Variants in FAM153A observed in about 807,000 individuals in gnomAD.
FAM153A encodes family with sequence similarity 153 member A.
A neutral mutation model predicts 48.1 loss-of-function variants in FAM153A; 12 were observed. That is an observed-to-expected ratio of 0.25 (90% CI 0.16 to 0.40). FAM153A has a LOEUF of 0.40. FAM153A is among the 10% of genes least tolerant of loss of function. The pLI is 1.00. For synonymous variants in FAM153A, 36 were observed against 118.2 expected, an observed-to-expected ratio of 0.30 and a Z score of 4.51; for missense variants, 111 against 345.8, an observed-to-expected ratio of 0.32 and a Z score of 5.38.
At chr5:177,697,229 T>C in the FAM153A span, among the ~76,000 whole-genome samples, 1 of 151,552 alleles carries the variant, frequency 6.6e-6, no homozygotes, top group African/African-American at 2.4e-5. Flanking sequence ...GGAATTATTT[T>C]TTAAATTTCA....
chr5:177,713,613 G>GGCCAGGAT (rs1235599973), intron 26 of FAM153A: 1 of 151,564 alleles, frequency 6.6e-6, no homozygotes, highest in African/African-American at 2.4e-5. Context: ...AGATGATGTT[G>GGCCAGGAT]GCCAGGATGG....
chr5:177,700,609 CTGGCCAACA>C, the FAM153A span, among the ~76,000 whole-genome samples: 2 of 151,756 alleles, frequency 1.3e-5, no homozygotes, highest in Non-Finnish European at 2.9e-5. Flanking sequence ...CAAGACCAGC[CTGGCCAACA>C]TGGTGAAATG....
downstream of FAM153A, chr5:177,706,729 T>C (rs1757921571): frequency 6.6e-6 from 1 of 151,846 alleles, no homozygotes; most frequent in Non-Finnish European, 1.5e-5. Context: ...AATGCCTGTT[T>C]GGGATTCCTC....
intron 1 of FAM153A, among the ~76,000 whole-genome samples, chr5:177,764,341 C>T (rs558301287): frequency 6.6e-6 from 1 of 151,768 alleles, no homozygotes; most frequent in Non-Finnish European, 1.5e-5. Flanking sequence ...CTGGGCTAAT[C>T]CCACTGATGA....
At chr5:177,710,558 T>G (rs910954004), downstream of FAM153A, among the ~76,000 whole-genome samples, 4 of 151,050 alleles carry the variant, frequency 2.6e-5, no homozygotes, top group African/African-American at 9.8e-5. Flanking sequence ...AAAATCTGGA[T>G]TGCCAACATT....
At chr5:177,731,112 GTT>G (rs1199822658) in intron 16 of FAM153A, among the ~76,000 whole-genome samples, 1 of 53,076 alleles carries the variant, frequency 1.9e-5, no homozygotes, top group Non-Finnish European at 3.5e-5. Context: ...AGTTTGTTGG[GTT>G]TTTTTTTTTT....
chr5:177,732,462 A>C (rs1846657), intron 14 of FAM153A, among the ~76,000 whole-genome samples: 405 of 77,912 alleles, frequency 5.2e-3, no homozygotes, highest in African/African-American at 0.018. Context: ...ATTTCCTCCC[A>C]GGATCCACCT....
At chr5:177,710,410 C>T (rs1440580097), downstream of FAM153A, among the ~76,000 whole-genome samples, 1 of 151,716 alleles carries the variant, frequency 6.6e-6, no homozygotes, top group African/African-American at 2.4e-5. Context: ...CTGCATCTGG[C>T]CAATACATTT....
downstream of FAM153A, among the ~76,000 whole-genome samples, chr5:177,719,248 AT>A (rs1176281671): frequency 2.6e-5 from 4 of 151,188 alleles, no homozygotes; most frequent in East Asian, 7.7e-4. Flanking sequence ...TTATAAAAAA[AT>A]ATTTAACCTC....
chr5:177,709,163 G>C (rs1449985700), downstream of FAM153A, among the ~76,000 whole-genome samples: 1 of 129,630 alleles, frequency 7.7e-6, no homozygotes, highest in Admixed American at 8.4e-5. Context: ...TCACTCAAGA[G>C]CATCTCACAC....
the FAM153A span, among the ~76,000 whole-genome samples, chr5:177,701,035 A>G: frequency 0.13 from 19,334 of 151,588 alleles, 1,565 homozygotes; most frequent in East Asian, 0.34. Context: ...GTTTAGTACA[A>G]TCCCCTTGGT....
downstream of FAM153A, among the ~76,000 whole-genome samples, chr5:177,707,813 G>A (rs1359256285): frequency 1.3e-4 from 20 of 151,660 alleles, no homozygotes; most frequent in South Asian, 2.1e-4. Flanking sequence ...CACCCACCTC[G>A]GACTCCCAAA....
At chr5:177,754,200 G>T (rs2127700954), upstream of FAM153A, among the ~76,000 whole-genome samples, 2 of 152,148 alleles carry the variant, frequency 1.3e-5, 1 homozygote, top group African/African-American at 4.8e-5. Context: ...TCCTGCACCT[G>T]GCTCGGAGGG....
upstream of FAM153A, among the ~76,000 whole-genome samples, chr5:177,753,715 A>G (rs1300831799): frequency 6.7e-6 from 1 of 150,312 alleles, no homozygotes; most frequent in Admixed American, 6.6e-5. Context: ...TTTAAAGCCA[A>G]TCTCTAACAA....
the FAM153A span, among the ~76,000 whole-genome samples, chr5:177,698,854 C>T: frequency 0.014 from 2,102 of 151,828 alleles, 95 homozygotes; most frequent in African/African-American, 0.049. Context: ...GATGGGCTTT[C>T]GCCATGTTGC....
chr5:177,716,994 T>TGTGTGTGTGTGC (rs1554136879), intron 24 of FAM153A, among the ~76,000 whole-genome samples: 4 of 150,852 alleles, frequency 2.7e-5, no homozygotes, highest in Non-Finnish European at 5.9e-5. Flanking sequence ...TGTGTGTGTG[T>TGTGTGTGTGTGC]GTGTGTAGAG....
chr5:177,758,752 C>A (rs1379393971), intron 1 of FAM153A, among the ~76,000 whole-genome samples: 1 of 148,510 alleles, frequency 6.7e-6, no homozygotes, highest in Non-Finnish European at 1.5e-5. Context: ...ATAAATGGTG[C>A]TGGGAAAACT....
chr5:177,781,230 C>G (rs1372891396), upstream of FAM153A, among the ~76,000 whole-genome samples: 1 of 117,062 alleles, frequency 8.5e-6, no homozygotes, highest in Non-Finnish European at 1.7e-5. Flanking sequence ...TCCGGAGTAG[C>G]TGGGACTATG....
chr5:177,717,184 C>T (rs1760038999), exon 24 of FAM153A: 2 of 139,018 alleles, frequency 1.4e-5, no homozygotes, highest in Non-Finnish European at 3.1e-5. Context: ...AGACAAACAA[C>T]ACAGCCTTCC....
Sources: gnomAD v4.1 joint callset for allele counts (sites outside exome capture counted in the v4.1 genomes callset) on GRCh38, gnomAD v4.1.1 for gene constraint, MANE v1.5 for transcripts, NCBI Gene and HGNC (gene_info 2026-07-23, HGNC 2026-07-21) for gene names.